The following NCK1 variants were observed in gnomAD, a reference collection of about 807,000 sequenced individuals.
The protein encoded by NCK1 is NCK adaptor protein 1.
NCK1 carries 19 observed loss-of-function variants against 36.6 expected under a neutral mutation model. The ratio of observed to expected loss-of-function variants is 0.52; its 90% CI spans 0.36 to 0.76. NCK1 has a LOEUF of 0.76. NCK1 is among the 30% of genes least tolerant of loss of function. The pLI is 0.00. For missense variants in NCK1, 358 were observed against 445.6 expected (o/e 0.80, Z 1.77); for synonymous variants, 165 against 156.0 (o/e 1.06, Z -0.43).
intron 1 of NCK1, among the ~76,000 whole-genome samples, chr3:136,871,730 G>C (rs1164376698): frequency 7.2e-5 from 11 of 152,154 alleles, no homozygotes; most frequent in African/African-American, 2.7e-4. Context: ...CAATTCCCAC[G>C]TGTGGTTGGC....
At chr3:136,945,542 T>C (rs1311746818) in intron 2 of NCK1, 41 bp from the exon 3 acceptor site, 1 of 1,386,930 alleles carries the variant, frequency 7.2e-7, no homozygotes. Context: ...GGTAATCATT[T>C]TTTTATATTC....
In NCK1 at chr3:136,950,656, A is replaced by C. The variant is rs907215531; in HGVS notation, c.*2203A>C. On this transcript the variant is annotated 3_prime_UTR_variant, in exon 4 of 4. Transcript: ENST00000481752. The stretch of plus-strand genomic sequence containing the variant: ...CTCTACATAGCTAGATAGTAACAAT[A>C]CTTGTATAAGAAACCAAGTTTCCTT... Among the ~76,000 whole-genome samples the C allele has an allele frequency of 6.6e-5, 10 of 152,144 alleles. No individual in the cohort carries two copies. Among genetic ancestry groups the C allele is most frequent in the African/African-American group, 2.4e-4 (10 of 41,450 alleles).
At chr3:136,868,092 T>G (rs1450759539) in intron 1 of NCK1, among the ~76,000 whole-genome samples, 2 of 151,884 alleles carry the variant, frequency 1.3e-5, no homozygotes, top group Non-Finnish European at 2.9e-5. Context: ...TAATTTTGTA[T>G]TTTTAGTAGA....
chr3:136,867,055 T>G (rs1454414582), intron 1 of NCK1, among the ~76,000 whole-genome samples: 15 of 346 alleles, frequency 0.043, 1 homozygote, highest in African/African-American at 0.1. Flanking sequence ...TGCTTTTCTT[T>G]CTTTCTTTCT....
At chr3:136,920,566 A>G (rs1006201073) in intron 1 of NCK1, among the ~76,000 whole-genome samples, 6 of 152,180 alleles carry the variant, frequency 3.9e-5, no homozygotes, top group African/African-American at 1.2e-4. Context: ...ATTACTGTCT[A>G]TATGATTATT....
chr3:136,875,108 T>C (rs965997630), intron 1 of NCK1, among the ~76,000 whole-genome samples: 2 of 152,238 alleles, frequency 1.3e-5, no homozygotes, highest in African/African-American at 2.4e-5. Context: ...ACATTTTCTT[T>C]AATTATTTTA....
chr3:136,900,025 C>T (rs1033095498), intron 1 of NCK1: 19 of 622,088 alleles, frequency 3.1e-5, no homozygotes, highest in East Asian at 5.8e-5. Flanking sequence ...CTGTCAGAGT[C>T]GCCAAACTGT....
At chr3:136,886,404 G>C (rs1939075026) in intron 1 of NCK1, among the ~76,000 whole-genome samples, 1 of 152,090 alleles carries the variant, frequency 6.6e-6, no homozygotes, top group Admixed American at 6.6e-5. Context: ...TATAACCTAT[G>C]CACATTCTCC....
chr3:136,906,544 A>G (rs1302730248), intron 1 of NCK1, among the ~76,000 whole-genome samples: 3 of 152,182 alleles, frequency 2.0e-5, no homozygotes, highest in Admixed American at 6.5e-5. Flanking sequence ...TAGCAGGTTC[A>G]GGTAAGCCAA....
chr3:136,874,877 A>G (rs897679518), intron 1 of NCK1, among the ~76,000 whole-genome samples: 6 of 152,116 alleles, frequency 3.9e-5, no homozygotes, highest in African/African-American at 1.4e-4. Flanking sequence ...TGCCTTCAGA[A>G]TTCTGAAGGC....
At chr3:136,891,238 A>T (rs564816027) in intron 1 of NCK1, among the ~76,000 whole-genome samples, 1 of 152,266 alleles carries the variant, frequency 6.6e-6, no homozygotes, top group East Asian at 1.9e-4. Context: ...GGGTTCAAGT[A>T]ATTCTCCTGC....
At chr3:136,882,318 C>A (rs570086788) in intron 1 of NCK1, among the ~76,000 whole-genome samples, 6 of 152,018 alleles carry the variant, frequency 3.9e-5, no homozygotes, top group African/African-American at 1.4e-4. Flanking sequence ...GTATATATTT[C>A]GAGAAATGTC....
chr3:136,916,489 C>T (rs147555254), intron 1 of NCK1, among the ~76,000 whole-genome samples: 1 of 152,210 alleles, frequency 6.6e-6, no homozygotes, highest in Non-Finnish European at 1.5e-5. Context: ...GATCAAATTT[C>T]AACATGAGAT....
At chr3:136,873,749 A>G (rs1938690411) in intron 1 of NCK1, among the ~76,000 whole-genome samples, 1 of 152,094 alleles carries the variant, frequency 6.6e-6, no homozygotes, top group Admixed American at 6.6e-5. Flanking sequence ...TGTGATAGTG[A>G]ATAAGTCTTT....
rs200016365 is a variant in NCK1, at chr3:136,945,914, A to C, written c.558A>C (p.Leu186=). The C allele has an allele frequency of 2.5e-6, 4 of 1,614,072 alleles. No individual in the cohort carries two copies. The East Asian group carries it at 8.9e-5, about 36-fold the overall frequency. The change falls in exon 3 of 4, where the codon CTA becomes CTC. Residue 186 remains leucine (L), a synonymous_variant. Transcript: ENST00000481752. ...AATTAGCAGCAGTCGTCAATAACCT[A>C]AATACTGGGCAAGTGTTGCATGTGG... ...SEKLAAVVNN[L]NTGQVLHVVQ...
At chr3:136,910,753 C>T (rs572226263) in intron 1 of NCK1, among the ~76,000 whole-genome samples, 15 of 152,242 alleles carry the variant, frequency 9.9e-5, no homozygotes, top group Non-Finnish European at 2.2e-4. Context: ...TTAACATATC[C>T]ATAACCTTGT....
intron 1 of NCK1, among the ~76,000 whole-genome samples, chr3:136,922,306 C>G (rs533429306): frequency 3.3e-5 from 5 of 152,098 alleles, no homozygotes; most frequent in Non-Finnish European, 7.4e-5. Context: ...GTTCTCAGGT[C>G]CTTGGGAAGA....
At chr3:136,870,213 A>C (rs984723456) in intron 1 of NCK1, among the ~76,000 whole-genome samples, 1 of 151,730 alleles carries the variant, frequency 6.6e-6, no homozygotes, top group African/African-American at 2.4e-5. Flanking sequence ...GTGGTGGTGC[A>C]TGCCTGTAAT....
At chr3:136,886,865 C>T (rs1489200375) in intron 1 of NCK1, among the ~76,000 whole-genome samples, 3 of 142,608 alleles carry the variant, frequency 2.1e-5, no homozygotes, top group Admixed American at 7.2e-5. Context: ...TTTTCTGAGA[C>T]GGAGTTTTGC....
Sources: allele counts gnomAD v4.1 joint callset (sites outside exome capture counted in the v4.1 genomes callset), GRCh38; gene constraint gnomAD v4.1.1; transcripts MANE v1.5; gene names NCBI Gene and HGNC (gene_info 2026-07-23, HGNC 2026-07-21).